Variants in SLCO1A2 observed in about 807,000 individuals in gnomAD.
The protein encoded by SLCO1A2 is OATP-1.
A neutral mutation model predicts 69.0 loss-of-function variants in SLCO1A2; 67 were observed. The ratio of observed to expected loss-of-function variants is 0.97; its 90% confidence interval spans 0.80 to 1.19. SLCO1A2 has a LOEUF of 1.19. SLCO1A2 is among the 50% of genes most tolerant of loss of function. The pLI is 0.00. For missense variants in SLCO1A2, 787 were observed against 793.7 expected, an observed-to-expected ratio of 0.99 and a Z score of 0.10; for synonymous variants, 260 against 265.9, an observed-to-expected ratio of 0.98 and a Z score of 0.22.
chr12:21,337,806 TTATAAA>T (rs1482987499), upstream of SLCO1A2, among the ~76,000 whole-genome samples: 4 of 152,004 alleles, frequency 2.6e-5, no homozygotes, highest in African/African-American at 9.7e-5. Context: ...CAATTCAGTC[TTATAAA>T]TATAAGTATT....
chr12:21,296,628 C>T (rs1033260321), intron 9 of SLCO1A2, among the ~76,000 whole-genome samples: 3 of 152,106 alleles, frequency 2.0e-5, no homozygotes, highest in African/African-American at 7.2e-5. Context: ...GGCTCTTCCT[C>T]TCTGAACCCT....
Position 21,292,230 on chromosome 12 carries a change from A to G in SLCO1A2, c.1544T>C (p.Ile515Thr). The change falls in exon 12 of 15, where the codon ATC (isoleucine) becomes ACC (threonine). Residue 515 changes from isoleucine (I) to threonine (T), a missense_variant. Transcript: ENST00000683939. ...DCSLMLQYFLILSAMSSFIYS... is the reference protein window; with the variant it reads ...DCSLMLQYFLTLSAMSSFIYS... ...AATGAAACTGCTCATCGCTGACAAG[A>G]TTAGGAAGTACTGGAGCATCAAGGA... 6.2e-7 allele frequency: 1 copy of G among 1,613,178 alleles called. No individual in the cohort carries two copies. The highest frequency in any genetic ancestry group is 1.1e-5 in the South Asian group (1 of 91,002).
intron 2 of SLCO1A2, among the ~76,000 whole-genome samples, chr12:21,351,479 A>G (rs903361335): frequency 1.3e-5 from 2 of 152,238 alleles, no homozygotes; most frequent in Admixed American, 6.5e-5. Flanking sequence ...TATAAATACT[A>G]CTAGTAAAAT....
At chr12:21,270,119 G>GAATC (rs1407349001) in intron 14 of SLCO1A2, among the ~76,000 whole-genome samples, 9 of 151,738 alleles carry the variant, frequency 5.9e-5, no homozygotes, top group African/African-American at 1.9e-4. Context: ...TGCTTCCAAA[G>GAATC]AATCATCATG....
At chr12:21,339,174 A>T (rs1285695675), upstream of SLCO1A2, among the ~76,000 whole-genome samples, 1 of 152,056 alleles carries the variant, frequency 6.6e-6, no homozygotes. Flanking sequence ...TTTATTAAGA[A>T]TCCACTACAT....
chr12:21,400,478 A>G (rs1450771775), intron 1 of SLCO1A2, among the ~76,000 whole-genome samples: 2 of 150,792 alleles, frequency 1.3e-5, no homozygotes, highest in South Asian at 2.2e-4. Context: ...GCGATTCCTC[A>G]GGGATCTAGA....
At chr12:21,411,910 G>A (rs1178455892) in intron 1 of SLCO1A2, among the ~76,000 whole-genome samples, 1 of 151,946 alleles carries the variant, frequency 6.6e-6, no homozygotes, top group Non-Finnish European at 1.5e-5. Flanking sequence ...CAAGAGATCA[G>A]CCCACCTTAG....
chr12:21,297,597 A>G (rs184269042), intron 8 of SLCO1A2, 29 bp from the exon 9 acceptor site: 1 of 1,489,090 alleles, frequency 6.7e-7, no homozygotes, highest in East Asian at 2.5e-5. Flanking sequence ...AACTGTGTCA[A>G]ACGAACTTGG....
At chr12:21,306,606 C>T (rs1341686927) in intron 5 of SLCO1A2, among the ~76,000 whole-genome samples, 6 of 152,114 alleles carry the variant, frequency 3.9e-5, no homozygotes, top group African/African-American at 1.4e-4. Context: ...GGATTACAGG[C>T]GTGAGCCACT....
intron 1 of SLCO1A2, chr12:21,378,394 AAG>A: frequency 6.2e-7 from 1 of 1,614,158 alleles, no homozygotes; most frequent in Non-Finnish European, 8.5e-7. Context: ...AGAGGTTTTA[AAG>A]AGAGAGCCAC....
chr12:21,353,765 C>T (rs1464417371), intron 2 of SLCO1A2, among the ~76,000 whole-genome samples: 1 of 152,186 alleles, frequency 6.6e-6, no homozygotes, highest in Non-Finnish European at 1.5e-5. Flanking sequence ...GCTGACAAGT[C>T]AGTAGAGAGG....
intron 1 of SLCO1A2, among the ~76,000 whole-genome samples, chr12:21,406,758 C>T (rs1941829310): frequency 6.6e-6 from 1 of 152,162 alleles, no homozygotes; most frequent in Non-Finnish European, 1.5e-5. Flanking sequence ...GACCACTACA[C>T]TATACTGCCT....
chr12:21,382,278 T>C (rs1940633399), intron 1 of SLCO1A2, among the ~76,000 whole-genome samples: 1 of 152,040 alleles, frequency 6.6e-6, no homozygotes, highest in Admixed American at 6.5e-5. Context: ...AGCTAAGCTA[T>C]CAGTTATGCA....
intron 1 of SLCO1A2, among the ~76,000 whole-genome samples, chr12:21,385,785 C>T (rs2137137544): frequency 6.6e-6 from 1 of 152,304 alleles, no homozygotes; most frequent in East Asian, 1.9e-4. Flanking sequence ...CATGACAAGA[C>T]AGGGAAAGGA....
At chr12:21,305,129 T>C (rs557477157) in intron 5 of SLCO1A2, among the ~76,000 whole-genome samples, 4 of 152,226 alleles carry the variant, frequency 2.6e-5, no homozygotes, top group Non-Finnish European at 5.9e-5. Flanking sequence ...ATAGGTTCTC[T>C]ATAGAGCATG....
chr12:21,347,411 C>CA (rs931934040), intron 2 of SLCO1A2, among the ~76,000 whole-genome samples: 3 of 152,024 alleles, frequency 2.0e-5, no homozygotes, highest in Non-Finnish European at 4.4e-5. Flanking sequence ...TTTGGGACGC[C>CA]AAAGGGGGTG....
chr12:21,348,134 T>C (rs1937647066), intron 2 of SLCO1A2, among the ~76,000 whole-genome samples: 1 of 152,186 alleles, frequency 6.6e-6, no homozygotes, highest in Non-Finnish European at 1.5e-5. Context: ...ACATAGTAGG[T>C]ATATGTTTAT....
At position 21,365,594 on chromosome 12, in the gene SLCO1A2, A is replaced by T. The variant is rs551492258; in HGVS notation, c.-63+8805T>A. 3.9e-5 allele frequency among the ~76,000 whole-genome samples: 6 copies of T among 152,342 alleles called. 2 individuals carry two copies. The highest frequency in any genetic ancestry group is 1.4e-4 in the African/African-American group (6 of 41,574). On this transcript the variant is annotated intron_variant, in intron 2 of 15. Coordinates refer to the SLCO1A2 transcript ENST00000307378. ...CTTCTGCACATCAAAAGAAACTACC[A>T]TCAGAGTGAACAGGCAACCTACAGA...
intron 1 of SLCO1A2, chr12:21,378,222 G>A: frequency 6.2e-7 from 1 of 1,613,114 alleles, no homozygotes; most frequent in Non-Finnish European, 8.5e-7. Flanking sequence ...TTTCACATTT[G>A]TTCCATGTTA....
Sources: gnomAD v4.1 joint callset for allele counts (sites outside exome capture counted in the v4.1 genomes callset) on GRCh38, gnomAD v4.1.1 for gene constraint, MANE v1.5 for transcripts, NCBI Gene and HGNC (gene_info 2026-07-23, HGNC 2026-07-21) for gene names.